Variants in MYO6 observed in about 807,000 individuals in gnomAD.
The protein encoded by MYO6 is unconventional myosin-VI.
In MYO6, 74 loss-of-function variants were observed where a neutral mutation model predicts 178.7. The ratio of observed to expected loss-of-function variants is 0.41; its 90% CI spans 0.34 to 0.50. The LOEUF is 0.50. Among genes scored for constraint, MYO6 ranks in the 20% least tolerant of loss-of-function variants. MYO6 has a pLI of 0.09. For synonymous variants in MYO6, 477 were observed against 504.6 expected, an observed-to-expected ratio of 0.95 and a Z score of 0.73; for missense variants, 1,330 against 1,547.4, an observed-to-expected ratio of 0.86 and a Z score of 2.36.
Position 75,886,845 on chromosome 6 carries a change from A to G in MYO6, c.2509A>G (p.Ile837Val), listed in dbSNP as rs779878837. The change falls in exon 25 of 35, where the codon ATT becomes GTT. Residue 837 changes from isoleucine (I) to valine (V), a missense_variant and splice_region_variant. Around this residue, in one of 3 missense-constraint regions of MYO6, gnomAD observed 601 missense variants for 626.1 expected, o/e 0.96. Coordinates refer to ENST00000369977, the MANE Select transcript of MYO6 (RefSeq NM_004999.4). ...TCTAATGAAGTATTATTTTTACAGC[A>G]TTGATGGTCTGGTTAAGGTGGGCAC... ...WLCKRRHKPR[I>V]DGLVKVGTLK... is the part of the protein sequence containing the mutation. 1.9e-6 allele frequency: 3 copies of G among 1,609,566 alleles called. No individual in the cohort carries two copies. The highest frequency in any genetic ancestry group is 1.3e-5 in the African/African-American group (1 of 74,724).
rs1361820544 is a variant in MYO6 at position 75,899,106 on chromosome 6, G to A, written c.3176+695G>A. ...TTAGTAACTCCAGAGATGGGGGTGG[G>A]GAAACATTTAAATGTGTTGCATTGA... On this transcript the variant is annotated intron_variant, in intron 30 of 34. Transcript: ENST00000369977. 2.6e-5 allele frequency among the ~76,000 whole-genome samples: 4 copies of A among 152,142 alleles called. No individual in the cohort carries two copies. In the East Asian group the frequency reaches 5.8e-4, roughly 22 times the overall value.
intron 1 of MYO6, among the ~76,000 whole-genome samples, chr6:75,798,506 T>C (rs1002902794): frequency 1.3e-5 from 2 of 152,108 alleles, no homozygotes; most frequent in African/African-American, 4.8e-5. Flanking sequence ...ATTGACAAAA[T>C]TAAAAGCAAA....
intron 20 of MYO6, among the ~76,000 whole-genome samples, chr6:75,875,071 A>C (rs1003350942): frequency 6.6e-6 from 1 of 152,024 alleles, no homozygotes; most frequent in African/African-American, 2.4e-5. Flanking sequence ...TTCTACCTGG[A>C]CATATGTTAT....
intron 32 of MYO6, among the ~76,000 whole-genome samples, chr6:75,910,730 A>C (rs559848664): frequency 1.3e-5 from 2 of 152,174 alleles, no homozygotes; most frequent in East Asian, 3.9e-4. Context: ...GTTCTTCCTC[A>C]TACAAAATTC....
intron 6 of MYO6, 140 bp from the exon 7 acceptor site, chr6:75,835,761 G>A: frequency 1.5e-6 from 1 of 653,360 alleles, no homozygotes; most frequent in South Asian, 1.9e-5. Flanking sequence ...AATTTAAAAA[G>A]CTATGACAGA....
intron 18 of MYO6, among the ~76,000 whole-genome samples, chr6:75,869,591 A>G (rs1022336041): frequency 2.0e-5 from 3 of 152,202 alleles, no homozygotes; most frequent in Non-Finnish European, 4.4e-5. Context: ...GTCTTTTGTA[A>G]GTAGTTTAAT....
intron 14 of MYO6, among the ~76,000 whole-genome samples, chr6:75,860,244 C>CT (rs2149292041): frequency 6.6e-6 from 1 of 152,250 alleles, no homozygotes; most frequent in Admixed American, 6.5e-5. Flanking sequence ...CACATTCTAG[C>CT]TTTTGTACAT....
chr6:75,776,153 G>GTC (rs1227397892), intron 1 of MYO6, among the ~76,000 whole-genome samples: 2 of 152,104 alleles, frequency 1.3e-5, no homozygotes, highest in Non-Finnish European at 2.9e-5. Context: ...TTATTCTTGT[G>GTC]TCTTCAGGGC....
rs1780969611 is a variant in MYO6 at position 75,914,057 on chromosome 6, T to TAA, written c.3440-5_3440-4dup. On this transcript the variant is annotated splice_polypyrimidine_tract_variant and splice_region_variant and intron_variant, in intron 33 of 34. Transcript: ENST00000369977. Reference sequence around the variant, plus strand: ...CTGGTATAACTTTCCTTGTTCTGTGTAATAGCTCAGCAAAACCCAGCAGCT... The same window carrying TAA: ...CTGGTATAACTTTCCTTGTTCTGTGTAAAATAGCTCAGCAAAACCCAGCAGCT... 1.2e-6 allele frequency: 2 copies of TAA among 1,613,748 alleles called. No individual in the cohort carries two copies. Among genetic ancestry groups the TAA allele is most frequent in the African/African-American group, 2.7e-5 (2 of 75,048 alleles).
At chr6:75,881,558 G>A in intron 22 of MYO6, 131 bp from the exon 23 acceptor site, 1 of 849,436 alleles carries the variant, frequency 1.2e-6, no homozygotes, top group Admixed American at 2.1e-5. Flanking sequence ...TCTCTGCCAA[G>A]GCCTATGTAA....
chr6:75,847,867 C>T (rs1292178465), intron 10 of MYO6, among the ~76,000 whole-genome samples: 1 of 151,336 alleles, frequency 6.6e-6, no homozygotes, highest in Non-Finnish European at 1.5e-5. Context: ...TTTTAATTAA[C>T]AAGAATAATG....
intron 29 of MYO6, among the ~76,000 whole-genome samples, chr6:75,895,683 A>G (rs1779245281): frequency 6.6e-6 from 1 of 151,736 alleles, no homozygotes; most frequent in African/African-American, 2.4e-5. Context: ...ACACTCAGCT[A>G]ATTTTTGTAT....
chr6:75,814,736 A>G (rs1288451522), intron 1 of MYO6, among the ~76,000 whole-genome samples: 1 of 151,898 alleles, frequency 6.6e-6, no homozygotes, highest in Non-Finnish European at 1.5e-5. Context: ...CATGCACCTG[A>G]TGGTCCCAGC....
rs754266549 is a variant in MYO6 at position 75,915,451 on chromosome 6, A to G, written c.*439A>G. ...CTAAACCACTTAAAATGATCAAGGCACTAATGTTTTGGTCTGAAAAGCTGT... is the reference window on the plus strand; with the variant it reads ...CTAAACCACTTAAAATGATCAAGGCGCTAATGTTTTGGTCTGAAAAGCTGT... On this transcript the variant is annotated 3_prime_UTR_variant, in exon 35 of 35. Transcript: ENST00000369977. The G allele has an allele frequency of 5.7e-6, 1 of 174,930 alleles. No individual in the cohort carries two copies. The highest frequency in any genetic ancestry group is 1.2e-5 in the Non-Finnish European group (1 of 80,442). 10.8% of individuals were successfully genotyped at this position (174,930 alleles called of 1,614,324 possible). A position where few individuals can be genotyped will look rare whatever the true frequency, so the allele number is the denominator to read the frequency against.
chr6:75,822,050 G>T (rs1771933737), intron 2 of MYO6, among the ~76,000 whole-genome samples: 1 of 150,722 alleles, frequency 6.6e-6, no homozygotes, highest in Non-Finnish European at 1.5e-5. Context: ...CTGGTTATCT[G>T]ATTGAATGTT....
Position 75,905,228 on chromosome 6 carries a change from C to G in MYO6, c.3177-2377C>G, listed in dbSNP as rs181926432. On this transcript the variant is annotated intron_variant, in intron 30 of 34. Transcript: ENST00000369977. The stretch of plus-strand genomic sequence containing the variant: ...GGTGGAGCCTACAGAGGCAGGCAGG[C>G]CTTCTTGAGCTGTGATGCTTCCCAG... Among the ~76,000 whole-genome samples, 662 of 152,344 alleles carry G rather than the reference C, an allele frequency of 4.3e-3. 7 individuals carry two copies. Among genetic ancestry groups the G allele is most frequent in the African/African-American group, 0.015 (633 of 41,582 alleles).
At chr6:75,893,144 C>CG (rs1166525657) in intron 28 of MYO6, among the ~76,000 whole-genome samples, 1 of 152,050 alleles carries the variant, frequency 6.6e-6, no homozygotes, top group Non-Finnish European at 1.5e-5. Context: ...AATGAGAACT[C>CG]TACTCTGCAA....
chr6:75,830,639 A>C (rs1772987688), intron 5 of MYO6, 94 bp downstream of exon 5: 2 of 1,225,032 alleles, frequency 1.6e-6, no homozygotes, highest in East Asian at 5.1e-5. Context: ...GATACCATAA[A>C]TTGAATATAT....
At chr6:75,810,461 T>C (rs1770584616) in intron 1 of MYO6, among the ~76,000 whole-genome samples, 1 of 152,156 alleles carries the variant, frequency 6.6e-6, no homozygotes, top group Admixed American at 6.6e-5. Flanking sequence ...AGTCTTATGA[T>C]CTCTATTTTA....
Sources: gnomAD v4.1 joint callset for allele counts (sites outside exome capture counted in the v4.1 genomes callset) on GRCh38, gnomAD v4.1.1 for gene constraint, gnomAD v4.1.1 regional missense constraint, MANE v1.5 for transcripts, NCBI Gene and HGNC (gene_info 2026-07-23, HGNC 2026-07-21) for gene names.